The following CNTN1 variants were observed in gnomAD, a reference collection of about 807,000 sequenced individuals.
The protein encoded by CNTN1 is contactin 1.
Under a neutral mutation model 126.4 loss-of-function variants are expected in CNTN1, and 38 were observed. The observed-to-expected ratio is 0.30, with a 90% CI of 0.23 to 0.39. The LOEUF (loss-of-function observed/expected upper bound fraction) is 0.39. CNTN1 is among the 10% of genes least tolerant of loss of function. The probability of loss-of-function intolerance (pLI) is 1.00; values close to 1 mark genes in which losing one functional copy is unlikely to be tolerated. For missense variants in CNTN1, 1,009 were observed against 1,248.4 expected (o/e 0.81, Z 2.89); for synonymous variants, 413 against 422.6 (o/e 0.98, Z 0.28).
intron 9 of CNTN1, among the ~76,000 whole-genome samples, chr12:40,936,004 C>T (rs999421571): frequency 6.6e-6 from 1 of 152,016 alleles, no homozygotes; most frequent in Non-Finnish European, 1.5e-5. Flanking sequence ...ATTCTTTCTT[C>T]CTACTTCCTT....
At position 40,967,146 on chromosome 12, in the gene CNTN1, A is replaced by T. The variant is rs559168041; in HGVS notation, c.1804+7912A>T. Among the ~76,000 whole-genome samples, 3 of 151,796 alleles carry T rather than the reference A, an allele frequency of 2.0e-5. No individual in the cohort carries two copies. The East Asian group carries it at 5.9e-4, about 30-fold the overall frequency. ...CATGCCACTGTACTCCAGCCTGGGC[A>T]GTAGAGCGAGACTCCATCTCATCTC... On this transcript the variant is annotated intron_variant, in intron 15 of 23. Transcript: ENST00000551295.
chr12:40,722,164 T>C (rs971174363), intron 1 of CNTN1, among the ~76,000 whole-genome samples: 2 of 152,116 alleles, frequency 1.3e-5, no homozygotes, highest in African/African-American at 4.8e-5. Context: ...TTCCTTATAA[T>C]ATGGAAATTC....
At position 40,695,000 on chromosome 12, in the gene CNTN1, A is replaced by C. The variant is rs73267758; in HGVS notation, c.-77+2408A>C. Among the ~76,000 whole-genome samples the C allele has an allele frequency of 8.9e-3, 1,359 of 152,326 alleles. 16 individuals are homozygous for C. Among genetic ancestry groups the C allele is most frequent in the African/African-American group, 0.031 (1,294 of 41,574 alleles). On this transcript the variant is annotated intron_variant, in intron 1 of 23. Transcript: ENST00000551295. ...CATTTTAAAATTCATGGTTCTAACAAAACGATCACTCCTCTTCAGAATCTC... is the reference window on the plus strand; with the variant it reads ...CATTTTAAAATTCATGGTTCTAACACAACGATCACTCCTCTTCAGAATCTC...
intron 23 of CNTN1, among the ~76,000 whole-genome samples, chr12:41,040,215 A>G (rs760220187): frequency 6.6e-6 from 1 of 152,122 alleles, no homozygotes; most frequent in Non-Finnish European, 1.5e-5. Context: ...AGTGTGTCAA[A>G]AGTCTTTCCT....
intron 16 of CNTN1, among the ~76,000 whole-genome samples, chr12:40,992,139 C>A (rs1948109627): frequency 6.6e-6 from 1 of 152,120 alleles, no homozygotes; most frequent in East Asian, 1.9e-4. Flanking sequence ...AAATCCATAA[C>A]AAAATAAGAA....
At chr12:40,896,607 A>G (rs1326841279) in intron 1 of CNTN1, among the ~76,000 whole-genome samples, 1 of 152,214 alleles carries the variant, frequency 6.6e-6, no homozygotes, top group Non-Finnish European at 1.5e-5. Flanking sequence ...TTTATTGTCC[A>G]TTAAGACATA....
intron 1 of CNTN1, among the ~76,000 whole-genome samples, chr12:40,846,817 G>A (rs900230376): frequency 6.6e-6 from 1 of 151,966 alleles, no homozygotes. Flanking sequence ...TCAGGCTCCC[G>A]AGTAGCTGAG....
At chr12:40,777,509 A>G (rs1939636235) in intron 1 of CNTN1, among the ~76,000 whole-genome samples, 1 of 151,790 alleles carries the variant, frequency 6.6e-6, no homozygotes. Flanking sequence ...GCACAGGATG[A>G]GTACTATCAC....
chr12:40,920,379 G>T (rs1204213751), intron 4 of CNTN1, among the ~76,000 whole-genome samples: 1 of 151,778 alleles, frequency 6.6e-6, no homozygotes, highest in African/African-American at 2.4e-5. Flanking sequence ...CTCTCAGGTT[G>T]CACCCAGCAC....
At chr12:40,709,882 T>C (rs909363805) in intron 1 of CNTN1, among the ~76,000 whole-genome samples, 9 of 152,224 alleles carry the variant, frequency 5.9e-5, no homozygotes, top group African/African-American at 1.9e-4. Context: ...ACTCAAACTT[T>C]CTCCATTATC....
At chr12:40,871,050 C>CTGTG (rs35180381) in intron 1 of CNTN1, among the ~76,000 whole-genome samples, 71,879 of 151,458 alleles carry the variant, frequency 0.47, 17,765 homozygotes, top group African/African-American at 0.62. Flanking sequence ...ACATAAACCA[C>CTGTG]TGTCTCACAA....
chr12:40,862,236 C>CACACACAT (rs200523106), intron 1 of CNTN1, among the ~76,000 whole-genome samples: 1 of 151,480 alleles, frequency 6.6e-6, no homozygotes, highest in Non-Finnish European at 1.5e-5. Flanking sequence ...CACACACACA[C>CACACACAT]GAAATATTTT....
chr12:41,006,254 C>G (rs775541844), intron 17 of CNTN1, among the ~76,000 whole-genome samples: 2 of 152,164 alleles, frequency 1.3e-5, no homozygotes, highest in Admixed American at 1.3e-4. Context: ...TGACTTTGTC[C>G]TCTGGCTCCT....
chr12:40,725,419 A>G (rs1942326302), intron 1 of CNTN1, among the ~76,000 whole-genome samples: 1 of 80,752 alleles, frequency 1.2e-5, no homozygotes, highest in Non-Finnish European at 2.4e-5. Context: ...AAAAAAAAAA[A>G]AAAAGGAAAG....
At chr12:40,889,375 G>A (rs1000305894) in intron 1 of CNTN1, among the ~76,000 whole-genome samples, 7 of 152,282 alleles carry the variant, frequency 4.6e-5, no homozygotes, top group African/African-American at 1.7e-4. Context: ...GGGGCAATTG[G>A]AATGTCATTG....
rs148263691 is a variant in CNTN1, at chr12:41,004,674, T to C, written c.2114-9554T>C. 5.0e-3 allele frequency among the ~76,000 whole-genome samples: 764 copies of C among 151,800 alleles called. 8 individuals are homozygous for C. Among genetic ancestry groups the C allele is most frequent in the African/African-American group, 0.018 (719 of 41,078 alleles). On this transcript the variant is annotated intron_variant, in intron 17 of 23. Transcript: ENST00000551295. Reference sequence around the variant, plus strand: ...TAGATTTTCTTGTTGAATTGAACCCTTTACCATTATGTAATTCCCTTGACT... The same window carrying C: ...TAGATTTTCTTGTTGAATTGAACCCCTTACCATTATGTAATTCCCTTGACT...
At chr12:41,017,069 A>G (rs540401296) in intron 19 of CNTN1, among the ~76,000 whole-genome samples, 153 bp downstream of exon 19, 1 of 152,302 alleles carries the variant, frequency 6.6e-6, no homozygotes, top group South Asian at 2.1e-4. Flanking sequence ...ACCAAATTAA[A>G]CATCACCCTC....
chr12:41,033,018 A>C (rs914853780), intron 23 of CNTN1, among the ~76,000 whole-genome samples: 3 of 152,240 alleles, frequency 2.0e-5, no homozygotes, highest in Non-Finnish European at 4.4e-5. Flanking sequence ...GAAAACTGAT[A>C]TACTTCCCCA....
intron 1 of CNTN1, among the ~76,000 whole-genome samples, chr12:40,791,428 T>C (rs1007275214): frequency 2.0e-5 from 3 of 152,148 alleles, no homozygotes; most frequent in Non-Finnish European, 4.4e-5. Context: ...TAACCAAAGT[T>C]GGATCATTTT....
Sources: allele counts gnomAD v4.1 joint callset (sites outside exome capture counted in the v4.1 genomes callset), GRCh38; gene constraint gnomAD v4.1.1; transcripts MANE v1.5; gene names NCBI Gene and HGNC (gene_info 2026-07-23, HGNC 2026-07-21).